The following ADAMTSL1 variants were observed in gnomAD, a reference collection of about 807,000 sequenced individuals.
ADAMTSL1 encodes ADAMTS-like protein 1.
Under a neutral mutation model 201.8 loss-of-function variants are expected in ADAMTSL1, and 126 were observed. That is an observed-to-expected ratio of 0.62 (90% CI 0.54 to 0.72). The LOEUF is 0.72. ADAMTSL1 is among the 30% of genes least tolerant of loss of function. The pLI is 0.00. For synonymous variants in ADAMTSL1, 1,121 were observed against 903.4 expected, an observed-to-expected ratio of 1.24 and a Z score of -4.32; for missense variants, 2,679 against 2,277.8, an observed-to-expected ratio of 1.18 and a Z score of -3.59.
At position 18,606,203 on chromosome 9, in the gene ADAMTSL1, T is replaced by A. The variant is rs188630602; in HGVS notation, c.475-16040T>A. On this transcript the variant is annotated intron_variant, in intron 4 of 28. Coordinates refer to ENST00000380548, the MANE Select transcript of ADAMTSL1 (RefSeq NM_001040272.6). ...GATGTTTTTCCTCTGTTTAAGGTAATAACCGAGTCAATGCTGAAGCCAAGC... is the reference window on the plus strand; with the variant it reads ...GATGTTTTTCCTCTGTTTAAGGTAAAAACCGAGTCAATGCTGAAGCCAAGC... Among the ~76,000 whole-genome samples, 648 of 152,288 alleles carry A rather than the reference T, an allele frequency of 4.3e-3. 6 individuals are homozygous for A. The highest frequency in any genetic ancestry group is 0.015 in the African/African-American group (631 of 41,572).
intron 3 of ADAMTSL1, among the ~76,000 whole-genome samples, chr9:18,569,288 G>A (rs553250010): frequency 6.6e-6 from 1 of 152,268 alleles, no homozygotes; most frequent in Admixed American, 6.5e-5. Context: ...GCAAATAAAA[G>A]GTCAGCTTTT....
rs577971992 is a variant in ADAMTSL1, at chr9:18,017,431, A to C, written c.87+110509A>C. 2.0e-5 allele frequency among the ~76,000 whole-genome samples: 3 copies of C among 152,054 alleles called. No homozygotes were observed. The East Asian group carries it at 5.8e-4, about 30-fold the overall frequency. On this transcript the variant is annotated intron_variant, in intron 1 of 29. Transcript: ENST00000680146. Reference sequence around the variant, plus strand: ...GACAGTTTGTTTTGTAATCCCCCCAAATTTGAGAAGCCTGTTGGGAAAAAT... The same window carrying C: ...GACAGTTTGTTTTGTAATCCCCCCACATTTGAGAAGCCTGTTGGGAAAAAT...
At chr9:18,833,050 C>G (rs1436025743) in intron 23 of ADAMTSL1, among the ~76,000 whole-genome samples, 8 of 152,286 alleles carry the variant, frequency 5.3e-5, no homozygotes, top group Non-Finnish European at 1.2e-4. Flanking sequence ...ATCGGACACC[C>G]TGGTATTGAT....
chr9:18,278,124 A>G (rs1264824518), intron 2 of ADAMTSL1, among the ~76,000 whole-genome samples: 1 of 152,130 alleles, frequency 6.6e-6, no homozygotes, highest in Non-Finnish European at 1.5e-5. Context: ...ATTCATTAGG[A>G]AACTATTTTA....
At chr9:18,791,734 TAC>T (rs1217012476) in intron 19 of ADAMTSL1, among the ~76,000 whole-genome samples, 1 of 152,112 alleles carries the variant, frequency 6.6e-6, no homozygotes, top group African/African-American at 2.4e-5. Context: ...AAATAAATAC[TAC>T]AGTTTCTCTA....
intron 2 of ADAMTSL1, among the ~76,000 whole-genome samples, chr9:18,431,797 C>T (rs1819503685): frequency 6.6e-6 from 1 of 152,136 alleles, no homozygotes; most frequent in African/African-American, 2.4e-5. Context: ...TTGTCAAGAT[C>T]CTTGTAAAAA....
At chr9:18,827,148 T>C (rs1273147545) in intron 22 of ADAMTSL1, among the ~76,000 whole-genome samples, 1 of 138,888 alleles carries the variant, frequency 7.2e-6, no homozygotes, top group African/African-American at 2.8e-5. Context: ...GTCTGGGTGC[T>C]AGGGAGATAA....
intron 2 of ADAMTSL1, among the ~76,000 whole-genome samples, chr9:18,179,446 C>T (rs1422141981): frequency 6.6e-6 from 1 of 152,186 alleles, no homozygotes; most frequent in African/African-American, 2.4e-5. Context: ...AGTGGGAAAA[C>T]ACTCTGCAGG....
chr9:18,456,802 GA>G (rs1236262814), intron 2 of ADAMTSL1, among the ~76,000 whole-genome samples: 1 of 152,118 alleles, frequency 6.6e-6, no homozygotes, highest in Non-Finnish European at 1.5e-5. Flanking sequence ...ACCTCAATCT[GA>G]TTTGCACTTC....
At chr9:18,197,801 T>C (rs190590481) in intron 2 of ADAMTSL1, among the ~76,000 whole-genome samples, 28 of 152,130 alleles carry the variant, frequency 1.8e-4, no homozygotes, top group African/African-American at 6.7e-4. Context: ...CATCGCCAAG[T>C]CAATCCTAAG....
chr9:18,420,446 C>G (rs1357301358), intron 2 of ADAMTSL1, among the ~76,000 whole-genome samples: 1 of 152,142 alleles, frequency 6.6e-6, no homozygotes, highest in Non-Finnish European at 1.5e-5. Context: ...GGCCTTTCCT[C>G]AAATGTAGGT....
intron 15 of ADAMTSL1, among the ~76,000 whole-genome samples, chr9:18,747,753 A>T (rs933931718): frequency 1.3e-5 from 2 of 152,152 alleles, no homozygotes; most frequent in South Asian, 4.1e-4. Context: ...TTTTTAGCTC[A>T]TGCATGGCTA....
chr9:18,456,692 A>G (rs1253020188), intron 2 of ADAMTSL1, among the ~76,000 whole-genome samples: 1 of 152,218 alleles, frequency 6.6e-6, no homozygotes, highest in East Asian at 1.9e-4. Flanking sequence ...CTAATTAAAT[A>G]TTAGTGCTCA....
At chr9:18,046,692 C>A (rs1209752071) in intron 1 of ADAMTSL1, among the ~76,000 whole-genome samples, 1 of 152,152 alleles carries the variant, frequency 6.6e-6, no homozygotes, top group Non-Finnish European at 1.5e-5. Context: ...AATAATTATA[C>A]AATCTACCAT....
At chr9:18,778,799 GTATT>G (rs1821214708) in intron 19 of ADAMTSL1, among the ~76,000 whole-genome samples, 1 of 152,182 alleles carries the variant, frequency 6.6e-6, no homozygotes, top group Non-Finnish European at 1.5e-5. Context: ...ACTAAAGGTT[GTATT>G]TATTATGTGG....
intron 1 of ADAMTSL1, among the ~76,000 whole-genome samples, chr9:18,046,550 G>A (rs1298792822): frequency 6.6e-6 from 1 of 152,108 alleles, no homozygotes; most frequent in Admixed American, 6.5e-5. Flanking sequence ...TTCATTTGGT[G>A]ACCATGTGTC....
chr9:18,596,397 A>G (rs988364958), intron 4 of ADAMTSL1, among the ~76,000 whole-genome samples: 6 of 152,166 alleles, frequency 3.9e-5, no homozygotes, highest in African/African-American at 1.4e-4. Flanking sequence ...CTAATTTACT[A>G]GGTTCTTTTA....
intron 2 of ADAMTSL1, among the ~76,000 whole-genome samples, chr9:18,235,680 A>G (rs1471467422): frequency 6.6e-6 from 1 of 152,208 alleles, no homozygotes; most frequent in African/African-American, 2.4e-5. Flanking sequence ...GAGAGGTTCT[A>G]TAATCTGCCC....
chr9:18,618,091 G>A (rs546216834), intron 4 of ADAMTSL1, among the ~76,000 whole-genome samples: 11 of 152,188 alleles, frequency 7.2e-5, no homozygotes, highest in East Asian at 3.9e-4. Flanking sequence ...AATTAACATC[G>A]GTGTACTTGG....
Sources: gnomAD v4.1 joint callset for allele counts (sites outside exome capture counted in the v4.1 genomes callset) on GRCh38, gnomAD v4.1.1 for gene constraint, MANE v1.5 for transcripts, NCBI Gene and HGNC (gene_info 2026-07-23, HGNC 2026-07-21) for gene names.